The following NOL10 variants were observed in gnomAD, a reference collection of about 807,000 sequenced individuals.
NOL10 encodes the protein H_NH0074G24.1.
In NOL10, 58 loss-of-function variants were observed where a neutral mutation model predicts 103.5. The ratio of observed to expected loss-of-function variants is 0.56; its 90% CI spans 0.45 to 0.70. The LOEUF is 0.70. NOL10 is among the 30% of genes least tolerant of loss of function. The probability of loss-of-function intolerance (pLI) is 0.00; values close to 1 mark genes in which losing one functional copy is unlikely to be tolerated. For missense variants in NOL10, 763 were observed against 807.3 expected, an observed-to-expected ratio of 0.95 and a Z score of 0.67; for synonymous variants, 287 against 282.5, an observed-to-expected ratio of 1.02 and a Z score of -0.16.
At chr2:10,630,688 C>G (rs1408428949) in intron 13 of NOL10, among the ~76,000 whole-genome samples, 2 of 152,070 alleles carry the variant, frequency 1.3e-5, no homozygotes, top group Non-Finnish European at 2.9e-5. Flanking sequence ...GCCCTCCAGC[C>G]TGGGCGAAAG....
chr2:10,670,592 GGGCATGGT>G (rs1279342451), intron 6 of NOL10, among the ~76,000 whole-genome samples: 7 of 152,030 alleles, frequency 4.6e-5, no homozygotes, highest in Admixed American at 4.6e-4. Flanking sequence ...AAAATTAGCT[GGGCATGGT>G]GGCAGGCGCC....
intron 3 of NOL10, 87 bp downstream of exon 3, chr2:10,681,883 AT>A (rs34021506): frequency 0.022 from 11,060 of 500,388 alleles, 260 homozygotes; most frequent in African/African-American, 0.083. Flanking sequence ...TTATAATAAA[AT>A]ATTAGGGTTA....
chr2:10,611,404 T>A (rs1374840052), intron 13 of NOL10, among the ~76,000 whole-genome samples: 1 of 152,252 alleles, frequency 6.6e-6, no homozygotes, highest in Non-Finnish European at 1.5e-5. Context: ...GATTACAATT[T>A]GTCTTTAAGA....
chr2:10,634,157 T>A (rs548330746), intron 13 of NOL10, among the ~76,000 whole-genome samples: 1 of 152,284 alleles, frequency 6.6e-6, no homozygotes, highest in Admixed American at 6.5e-5. Context: ...ATATTTTACA[T>A]CAGTCTGGCT....
intron 13 of NOL10, among the ~76,000 whole-genome samples, chr2:10,618,781 C>T (rs1292272082): frequency 6.6e-6 from 1 of 152,164 alleles, no homozygotes; most frequent in Non-Finnish European, 1.5e-5. Flanking sequence ...GGATGGGGCA[C>T]ACCTCAGTTC....
At chr2:10,651,731 A>T (rs1433477687) in intron 12 of NOL10, among the ~76,000 whole-genome samples, 2 of 152,034 alleles carry the variant, frequency 1.3e-5, no homozygotes, top group African/African-American at 4.8e-5. Context: ...GCTCCACCTG[A>T]TTTACTCACT....
intron 17 of NOL10, among the ~76,000 whole-genome samples, chr2:10,599,827 C>T (rs1041599885): frequency 6.6e-6 from 1 of 151,882 alleles, no homozygotes; most frequent in African/African-American, 2.4e-5. Flanking sequence ...AAACTGTGAC[C>T]CCATGAAGAC....
rs1682519096 is a variant in NOL10, at chr2:10,689,925, C to A, written c.-64G>T. On this transcript the variant is annotated 5_prime_UTR_variant, in exon 1 of 21. Transcript: ENST00000381685. ...CACCAGCGTGCTCGAGCACCGTAAT[C>A]CCGGGACCTCCGAGCCCCTGCTCCG... 8.8e-6 allele frequency: 13 copies of A among 1,475,874 alleles called. No homozygotes were observed. The highest frequency in any genetic ancestry group is 2.5e-5 in the East Asian group (1 of 40,816). The allele number at this position is 1,475,874 out of a possible 1,614,324, so 91.4% of individuals were successfully genotyped here.
chr2:10,604,336 C>T (rs1049275385), intron 14 of NOL10, among the ~76,000 whole-genome samples: 18 of 152,134 alleles, frequency 1.2e-4, no homozygotes, highest in African/African-American at 3.9e-4. Flanking sequence ...TCCATCTAGA[C>T]CTGAAAATCA....
intron 12 of NOL10, among the ~76,000 whole-genome samples, chr2:10,653,207 A>C (rs1041984023): frequency 3.3e-5 from 5 of 151,984 alleles, no homozygotes; most frequent in Admixed American, 6.6e-5. Context: ...AAAAAAAAAA[A>C]AAACCACACA....
At chr2:10,671,399 GTTTTC>G (rs530935200) in intron 6 of NOL10, among the ~76,000 whole-genome samples, 150 bp downstream of exon 6, 1,981 of 140,426 alleles carry the variant, frequency 0.014, 49 homozygotes, top group African/African-American at 0.049. Flanking sequence ...CCTATCCTGT[GTTTTC>G]TTTTCTTTTT....
At chr2:10,588,847 G>A (rs1283063937) in intron 19 of NOL10, among the ~76,000 whole-genome samples, 196 bp downstream of exon 19, 1 of 152,124 alleles carries the variant, frequency 6.6e-6, no homozygotes, top group Non-Finnish European at 1.5e-5. Context: ...CAATAGCGAC[G>A]CTCCCCTCAG....
At chr2:10,609,317 G>T (rs1424373708) in intron 13 of NOL10, among the ~76,000 whole-genome samples, 1 of 151,692 alleles carries the variant, frequency 6.6e-6, no homozygotes, top group Non-Finnish European at 1.5e-5. Flanking sequence ...GCCGGGCGCG[G>T]TGGCTCACGC....
chr2:10,614,997 T>G (rs1676758298), intron 13 of NOL10, among the ~76,000 whole-genome samples: 1 of 152,236 alleles, frequency 6.6e-6, no homozygotes, highest in Non-Finnish European at 1.5e-5. Context: ...GCATGTATTT[T>G]CAAATTCTGA....
chr2:10,600,340 G>A (rs906457233), intron 17 of NOL10, among the ~76,000 whole-genome samples: 1 of 152,186 alleles, frequency 6.6e-6, no homozygotes, highest in Non-Finnish European at 1.5e-5. Context: ...TTACACTTCA[G>A]CCTGCATACT....
rs56007074 is a variant in NOL10 at position 10,587,204 on chromosome 2, C to T, written c.1844+1839G>A. 7.0e-4 allele frequency among the ~76,000 whole-genome samples: 24 copies of T among 34,410 alleles called. 2 individuals carry two copies. The South Asian group carries it at 9.0e-3, about 13-fold the overall frequency. 22.6% of individuals were successfully genotyped at this position (34,410 alleles called of 152,430 possible). On this transcript the variant is annotated intron_variant, in intron 19 of 20. Transcript: ENST00000381685. ...ACACATATATATACACATATATATACACATATATATATACATATATATACA... is the reference window on the plus strand; with the variant it reads ...ACACATATATATACACATATATATATACATATATATATACATATATATACA...
chr2:10,607,098 T>C (rs1676301819), intron 14 of NOL10, 87 bp downstream of exon 14: 2 of 839,156 alleles, frequency 2.4e-6, no homozygotes, highest in African/African-American at 3.5e-5. Flanking sequence ...GAGGTAAACA[T>C]GGCTCAGCCA....
intron 6 of NOL10, 74 bp downstream of exon 6, chr2:10,671,480 T>C: frequency 8.0e-7 from 1 of 1,243,228 alleles, no homozygotes; most frequent in Non-Finnish European, 1.1e-6. Context: ...ACAGAGAAAA[T>C]GTACACGAAA....
Position 10,587,068 on chromosome 2 carries a change from CATATATATACATATATATACAT to C in NOL10, c.1844+1953_1844+1974del, listed in dbSNP as rs1262301292. On this transcript the variant is annotated intron_variant, in intron 19 of 20. Coordinates refer to ENST00000381685, the MANE Select transcript of NOL10 (RefSeq NM_024894.4). ...GTATATATATATACATATATATATA[CATATATATACATATATATACAT>C]ATATATACACATATATATACATATA... 8.1e-5 allele frequency among the ~76,000 whole-genome samples: 2 copies of C among 24,716 alleles called. 1 individual carries two copies. Among genetic ancestry groups the C allele is most frequent in the Non-Finnish European group, 1.8e-4 (2 of 11,396 alleles). The allele number at this position is 24,716 out of a possible 152,430, so 16.2% of individuals were successfully genotyped here. A position where few individuals can be genotyped will look rare whatever the true frequency, so the allele number is the denominator to read the frequency against.
Sources: gnomAD v4.1 joint callset for allele counts (sites outside exome capture counted in the v4.1 genomes callset) on GRCh38, gnomAD v4.1.1 for gene constraint, MANE v1.5 for transcripts, NCBI Gene and HGNC (gene_info 2026-07-23, HGNC 2026-07-21) for gene names.